Variants in CDH16 observed in about 807,000 individuals in gnomAD.
The protein encoded by CDH16 is cadherin 16, also known as cadherin-16.
Under a neutral mutation model 87.6 loss-of-function variants are expected in CDH16, and 79 were observed. That is an observed-to-expected ratio of 0.90 (90% CI 0.75 to 1.09). CDH16 has a LOEUF of 1.09. Among genes scored for constraint, CDH16 ranks in the 50% least tolerant of loss-of-function variants. The pLI is 0.00. For synonymous variants in CDH16, 457 were observed against 439.5 expected (o/e 1.04, Z -0.50); for missense variants, 1,124 against 1,071.7 (o/e 1.05, Z -0.68).
chr16:66,915,294 T>C lies in CDH16; in HGVS notation c.509A>G (p.Gln170Arg), dbSNP rs762943722. Residue 170 changes from glutamine (Q) to arginine (R), a missense_variant, in exon 6 of 18, where the codon CAG (glutamine) becomes CGG (arginine). Transcript: ENST00000299752. ...GTCTGGGGAAGGCTGGGCTGGAGCC[T>C]GGCTCAGGATGTGGAATCGAAGATC... Reference protein sequence around the residue: ...NSDLRFHILSQAPAQPSPDMF... With the variant: ...NSDLRFHILSRAPAQPSPDMF... 6.2e-7 allele frequency: 1 copy of C among 1,613,992 alleles called. No individual in the cohort carries two copies. Among genetic ancestry groups the C allele is most frequent in the Non-Finnish European group, 8.5e-7 (1 of 1,180,018 alleles).
Position 66,910,284 on chromosome 16 carries a change from C to T in CDH16, c.2143G>A (p.Asp715Asn), listed in dbSNP as rs1270902121. 1 of 1,607,644 alleles carries T rather than the reference C, an allele frequency of 6.2e-7. No individual in the cohort carries two copies. Among genetic ancestry groups the T allele is most frequent in the South Asian group, 1.1e-5 (1 of 90,116 alleles). The change falls in exon 15 of 18, where the codon GAT (aspartate) becomes AAT (asparagine). Residue 715 changes from aspartate to asparagine, a missense_variant. By Grantham distance (23) the Asp-to-Asn change is conservative. Coordinates refer to ENST00000299752, the MANE Select transcript of CDH16 (RefSeq NM_004062.4). ...CCATTGAGAGTCTGGAGGCGCCAAT[C>T]CCGTTGCACCGTGGGGTTGGGACCA... ...TLGPNPTVQR[D>N]WRLQTLNGSH...
rs1225962224 is a variant in CDH16 at position 66,914,263 on chromosome 16, G to A, written c.733C>T (p.His245Tyr). 3.7e-6 allele frequency: 6 copies of A among 1,614,200 alleles called. No individual in the cohort carries two copies. The highest frequency in any genetic ancestry group is 4.2e-6 in the Non-Finnish European group (5 of 1,180,014). The change falls in exon 7 of 18, where the codon CAC becomes TAC. Residue 245 changes from histidine (H) to tyrosine (Y), a missense_variant. Coordinates refer to ENST00000299752, the MANE Select transcript of CDH16 (RefSeq NM_004062.4). ...AGGACTTTGAGATTCTCTGCCAGGT[G>A]GATAGGCTCTAGGGACACCCAGGTG... ...ESTWVSLEPI[H>Y]LAENLKVLYP...
intron 7 of CDH16, 87 bp from the exon 8 acceptor site, chr16:66,913,700 C>T (rs547722981): frequency 4.4e-5 from 68 of 1,544,302 alleles, no homozygotes; most frequent in Non-Finnish European, 4.4e-6. Flanking sequence ...GAGCCTGAGC[C>T]CAACTGTGTG....
At position 66,912,890 on chromosome 16, in the gene CDH16, A is replaced by G; in HGVS notation, c.1056T>C (p.Gly352=). The G allele has an allele frequency of 6.2e-7, 1 of 1,603,544 alleles. No homozygotes were observed. Among genetic ancestry groups the G allele is most frequent in the East Asian group, 2.2e-5 (1 of 44,586 alleles). ...CTGCTGACAGTCTAGTCACTTCAGT[A>G]CCTGCCAAGACAGCACCCGCCTGGA... ...TVSIPELSPP[G]TEVTRLSAED... The change falls in exon 10 of 18, where the codon GGT becomes GGC. Residue 352 remains glycine, a splice_region_variant and synonymous_variant. Coordinates refer to ENST00000299752, the MANE Select transcript of CDH16 (RefSeq NM_004062.4).
intron 9 of CDH16, 21 bp downstream of exon 9, chr16:66,913,110 C>G (rs779162843): frequency 6.3e-6 from 10 of 1,594,770 alleles, no homozygotes; most frequent in Non-Finnish European, 7.7e-6. Flanking sequence ...GACTTCGTCC[C>G]TCTCCCATCC....
chr16:66,912,658 A>C lies in CDH16; in HGVS notation c.1282+6T>G, dbSNP rs999422479. 6.2e-7 allele frequency: 1 copy of C among 1,613,886 alleles called. No individual in the cohort carries two copies. Among genetic ancestry groups the C allele is most frequent in the African/African-American group, 1.3e-5 (1 of 74,900 alleles). On this transcript the variant is annotated splice_donor_region_variant and intron_variant, in intron 10 of 17. Coordinates refer to ENST00000299752, the MANE Select transcript of CDH16 (RefSeq NM_004062.4). ...GGGGGCCTGGGTCACCAATCAGGGC[A>C]CTTACCACCCTCTGCGCCTGCCAGG...
Position 66,912,490 on chromosome 16 carries a change from C to T in CDH16, c.1359+14G>A. ...AGCATCCTTCCCAAGGCCTTCTCCC[C>T]TGCGTCTGCTTACCTGGGAAGTGAT... On this transcript the variant is annotated intron_variant, in intron 11 of 17. Coordinates refer to ENST00000299752, the MANE Select transcript of CDH16 (RefSeq NM_004062.4). The T allele has an allele frequency of 6.2e-7, 1 of 1,614,200 alleles. No homozygotes were observed. Among genetic ancestry groups the T allele is most frequent in the African/African-American group, 1.3e-5 (1 of 75,052 alleles).
At chr16:66,915,541 G>C in intron 5 of CDH16, 163 bp from the exon 6 acceptor site, 2 of 734,964 alleles carry the variant, frequency 2.7e-6, no homozygotes, top group Admixed American at 6.3e-5. Context: ...TGAGCAAACT[G>C]AAGCCAAGAA....
intron 12 of CDH16, 22 bp from the exon 13 acceptor site, chr16:66,912,162 C>T (rs776871025): frequency 1.2e-6 from 2 of 1,609,044 alleles, no homozygotes; most frequent in Non-Finnish European, 1.7e-6. Flanking sequence ...AGGCCCAGGT[C>T]ACTGTGCGGG....
Position 66,913,564 on chromosome 16 carries a change from G to A in CDH16, c.830C>T (p.Pro277Leu), listed in dbSNP as rs140723714. ...DVHYHLESHP[P>L]GPFEVNAEGN... Reference sequence around the variant, plus strand: ...CTCTGCATTCACTTCAAAGGGTCCCGGGGGATGGCTCTCCAGGTGATAGTG... The same window carrying A: ...CTCTGCATTCACTTCAAAGGGTCCCAGGGGATGGCTCTCCAGGTGATAGTG... The change falls in exon 8 of 18, where the codon CCG becomes CTG. Residue 277 changes from proline (P) to leucine (L), a missense_variant. Pro to Leu is a moderately conservative substitution (Grantham distance 98). Coordinates refer to ENST00000299752, the MANE Select transcript of CDH16 (RefSeq NM_004062.4). 73 of 1,613,926 alleles carry A rather than the reference G, an allele frequency of 4.5e-5. No homozygotes were observed. The highest frequency in any genetic ancestry group is 2.0e-4 in the Admixed American group (12 of 59,998).
chr16:66,912,012 C>T lies in CDH16; in HGVS notation c.1677G>A (p.Met559Ile). The T allele has an allele frequency of 6.2e-7, 1 of 1,614,150 alleles. No homozygotes were observed. The change falls in exon 13 of 18, where the codon ATG (methionine) becomes ATA (isoleucine). Residue 559 changes from methionine (M) to isoleucine (I), a missense_variant. Coordinates refer to ENST00000299752, the MANE Select transcript of CDH16 (RefSeq NM_004062.4). ...TCTCCTGGTCCAACTTGGGGGGTGG[C>T]ATCACTCTCTCCACTAGCACAGTCA... ...ATVTVLVERV[M>I]PPPKLDQESY...
chr16:66,916,982 C>G lies in CDH16; in HGVS notation c.130-553G>C, dbSNP rs1052238647. Among the ~76,000 whole-genome samples, 1 of 152,142 alleles carries G rather than the reference C, an allele frequency of 6.6e-6. No individual in the cohort carries two copies. Among genetic ancestry groups the G allele is most frequent in the Middle Eastern group, 3.2e-3 (1 of 316 alleles). ...TGTCGGAATTTCACCTCTGTACTGTCAGCTCCTTCTGGCCATAGCCTCCCC... is the reference window on the plus strand; with the variant it reads ...TGTCGGAATTTCACCTCTGTACTGTGAGCTCCTTCTGGCCATAGCCTCCCC... On this transcript the variant is annotated intron_variant, in intron 3 of 17. Coordinates refer to ENST00000299752, the MANE Select transcript of CDH16 (RefSeq NM_004062.4). The surrounding 1 kb of genome is among the most constrained non-coding windows in gnomAD (Gnocchi z 4.1).
Position 66,912,503 on chromosome 16 carries a change from C to G in CDH16, c.1359+1G>C. 6.2e-7 allele frequency: 1 copy of G among 1,614,178 alleles called. No individual in the cohort carries two copies. Among genetic ancestry groups the G allele is most frequent in the Non-Finnish European group, 8.5e-7 (1 of 1,180,024 alleles). ...AGGCCTTCTCCCCTGCGTCTGCTTA[C>G]CTGGGAAGTGATGAACTCAGGGGCG... On this transcript the variant is annotated splice_donor_variant, in intron 11 of 17. Transcript: ENST00000299752. LOFTEE classifies it high-confidence loss of function.
At chr16:66,911,142 G>T in intron 14 of CDH16, 40 bp downstream of exon 14, 2 of 1,578,650 alleles carry the variant, frequency 1.3e-6, no homozygotes, top group Non-Finnish European at 1.7e-6. Flanking sequence ...TCTGAGGTTT[G>T]TACCCCCTCC....
In CDH16 at chr16:66,912,655, G is replaced by A. The variant is rs1412339663; in HGVS notation, c.1282+9C>T. ...ACAGGGGGCCTGGGTCACCAATCAG[G>A]GCACTTACCACCCTCTGCGCCTGCC... On this transcript the variant is annotated intron_variant, in intron 10 of 17. Coordinates refer to ENST00000299752, the MANE Select transcript of CDH16 (RefSeq NM_004062.4). 1 of 1,613,960 alleles carries A rather than the reference G, an allele frequency of 6.2e-7. No individual in the cohort carries two copies.
chr16:66,913,082 GACCAGGTGGTT>G (rs1962505226), intron 9 of CDH16, 38 bp downstream of exon 9: 1 of 1,566,372 alleles, frequency 6.4e-7, no homozygotes, highest in Admixed American at 1.8e-5. Context: ...AGAAGAGCAA[GACCAGGTGGTT>G]AATAGAGACT....
At position 66,912,142 on chromosome 16, in the gene CDH16, T is replaced by C. The variant is rs1018921075; in HGVS notation, c.1549-2A>G. On this transcript the variant is annotated splice_acceptor_variant, in intron 12 of 17. Coordinates refer to ENST00000299752, the MANE Select transcript of CDH16 (RefSeq NM_004062.4). LOFTEE classifies it high-confidence loss of function. ...TGGAGCTGCCTCATAACTGAGGTTC[T>C]GGAACCAGGAGGCCCAGGTCACTGT... 2 of 1,610,918 alleles carry C rather than the reference T, an allele frequency of 1.2e-6. No individual in the cohort carries two copies. The highest frequency in any genetic ancestry group is 1.7e-6 in the Non-Finnish European group (2 of 1,177,668).
chr16:66,908,304 C>G lies in CDH16; in HGVS notation c.*88G>C. ...GGAGGGGCTTCTACTCTGTCCTGTC[C>G]CCTGCTGGATCTTGGGTGCTGGGCT... On this transcript the variant is annotated 3_prime_UTR_variant, in exon 18 of 18. Coordinates refer to ENST00000299752, the MANE Select transcript of CDH16 (RefSeq NM_004062.4). The G allele has an allele frequency of 1.9e-6, 2 of 1,068,586 alleles. No individual in the cohort carries two copies. The highest frequency in any genetic ancestry group is 2.9e-6 in the Non-Finnish European group (2 of 696,228). 66.2% of individuals were successfully genotyped at this position (1,068,586 alleles called of 1,614,324 possible). A position where few individuals can be genotyped will look rare whatever the true frequency, so the allele number is the denominator to read the frequency against.
Position 66,916,056 on chromosome 16 carries a change from G to C in CDH16, c.424+9C>G, listed in dbSNP as rs943539449. On this transcript the variant is annotated intron_variant, in intron 5 of 17. Coordinates refer to ENST00000299752, the MANE Select transcript of CDH16 (RefSeq NM_004062.4). The surrounding 1 kb of genome is among the most constrained non-coding windows in gnomAD (Gnocchi z 4.1). The stretch of plus-strand genomic sequence containing the variant: ...ACCTTACTGTAAATTGGCTGCCCTG[G>C]TCACTCACCAGGCCTGGTACCCCGG... 1.2e-6 allele frequency: 2 copies of C among 1,614,102 alleles called. No individual in the cohort carries two copies. The highest frequency in any genetic ancestry group is 2.2e-5 in the East Asian group (1 of 44,886).
Sources: gnomAD v4.1 joint callset for allele counts (sites outside exome capture counted in the v4.1 genomes callset) on GRCh38, gnomAD v4.1.1 for gene constraint, Gnocchi (gnomAD v3.1) non-coding constraint, MANE v1.5 for transcripts, NCBI Gene and HGNC (gene_info 2026-07-23, HGNC 2026-07-21) for gene names.